The following NFATC1 variants were observed in gnomAD, a reference collection of about 807,000 sequenced individuals.
The protein encoded by NFATC1 is nuclear factor of activated T-cells, cytoplasmic 1.
NFATC1 carries 22 observed loss-of-function variants against 76.0 expected under a neutral mutation model. The observed-to-expected ratio is 0.29, with a 90% CI of 0.21 to 0.41. NFATC1 has a LOEUF of 0.41. Ranked by LOEUF, NFATC1 falls within the 10% of genes least tolerant of loss-of-function variation. NFATC1 has a pLI of 1.00. For synonymous variants in NFATC1, 704 were observed against 613.1 expected, an observed-to-expected ratio of 1.15 and a Z score of -2.19; for missense variants, 1,357 against 1,337.7, an observed-to-expected ratio of 1.01 and a Z score of -0.23.
intron 2 of NFATC1, among the ~76,000 whole-genome samples, chr18:79,411,994 C>T (rs1054196981): frequency 3.3e-5 from 5 of 152,244 alleles, no homozygotes; most frequent in African/African-American, 7.2e-5. Context: ...TTCCCTGCCT[C>T]GGGTGCAGAT....
At chr18:79,457,366 A>G (rs1049660503) in intron 6 of NFATC1, among the ~76,000 whole-genome samples, 1 of 152,044 alleles carries the variant, frequency 6.6e-6, no homozygotes, top group Non-Finnish European at 1.5e-5. Context: ...GGATAGCGCT[A>G]GGGGCGACTC....
chr18:79,479,590 C>T (rs1312212847), intron 8 of NFATC1, among the ~76,000 whole-genome samples: 1 of 152,234 alleles, frequency 6.6e-6, no homozygotes, highest in Admixed American at 6.5e-5. Flanking sequence ...GTGTGGCTTT[C>T]CTTTGCTTGT....
intron 9 of NFATC1, among the ~76,000 whole-genome samples, chr18:79,518,460 G>A (rs1390845610): frequency 6.6e-6 from 1 of 152,206 alleles, no homozygotes; most frequent in Non-Finnish European, 1.5e-5. Context: ...GTGTTCTGAT[G>A]GGCGGTAACT....
intron 6 of NFATC1, among the ~76,000 whole-genome samples, chr18:79,456,771 C>A (rs1246246883): frequency 6.6e-6 from 1 of 152,068 alleles, no homozygotes; most frequent in African/African-American, 2.4e-5. Flanking sequence ...GGATGTAGGC[C>A]GAGGGAGATG....
intron 3 of NFATC1, among the ~76,000 whole-genome samples, chr18:79,446,424 C>T (rs1209933428): frequency 6.6e-6 from 1 of 152,124 alleles, no homozygotes; most frequent in Non-Finnish European, 1.5e-5. Context: ...GTCAGCGACT[C>T]ATTTACATTT....
intron 8 of NFATC1, among the ~76,000 whole-genome samples, chr18:79,483,629 C>T (rs1257266934): frequency 1.6e-5 from 2 of 128,862 alleles, no homozygotes; most frequent in Non-Finnish European, 1.6e-5. Context: ...TGGGGCGTCA[C>T]TCTGGCGTGA....
At chr18:79,491,126 G>T (rs929111277) in intron 9 of NFATC1, among the ~76,000 whole-genome samples, 3 of 152,134 alleles carry the variant, frequency 2.0e-5, no homozygotes, top group Non-Finnish European at 4.4e-5. Context: ...GGTGAATGTG[G>T]GTAGTCCTTG....
chr18:79,510,721 A>G (rs2090223211), intron 9 of NFATC1, among the ~76,000 whole-genome samples: 1 of 152,236 alleles, frequency 6.6e-6, no homozygotes, highest in South Asian at 2.1e-4. Context: ...TTCTTCTAGA[A>G]GACAGGGTGT....
At chr18:79,445,237 C>T (rs1487872702) in intron 3 of NFATC1, among the ~76,000 whole-genome samples, 3 of 152,248 alleles carry the variant, frequency 2.0e-5, no homozygotes, top group South Asian at 2.1e-4. Context: ...CCGTGGGTCA[C>T]GTGGGCCTGG....
intron 2 of NFATC1, among the ~76,000 whole-genome samples, chr18:79,423,897 G>A (rs1190496215): frequency 6.6e-6 from 1 of 152,218 alleles, no homozygotes; most frequent in Non-Finnish European, 1.5e-5. Flanking sequence ...AGGGAGGGTT[G>A]GACGGGAGCC....
intron 9 of NFATC1, among the ~76,000 whole-genome samples, chr18:79,508,902 CCCTT>C (rs1191713201): frequency 6.6e-6 from 1 of 151,336 alleles, no homozygotes; most frequent in Non-Finnish European, 1.5e-5. Context: ...CTCCCTCCCT[CCCTT>C]TCTCTCTCAT....
intron 3 of NFATC1, among the ~76,000 whole-genome samples, chr18:79,443,474 G>A (rs1360609334): frequency 6.6e-6 from 1 of 152,200 alleles, no homozygotes; most frequent in African/African-American, 2.4e-5. Context: ...ACGTCGTCCT[G>A]TTCCTGTCAT....
intron 2 of NFATC1, among the ~76,000 whole-genome samples, chr18:79,424,008 G>A (rs1456193928): frequency 4.6e-5 from 7 of 152,158 alleles, no homozygotes; most frequent in Admixed American, 2.0e-4. Context: ...AAGGTTGCCC[G>A]GGCCGCCGAG....
At chr18:79,504,323 T>C (rs148257267) in intron 9 of NFATC1, among the ~76,000 whole-genome samples, 1 of 152,304 alleles carries the variant, frequency 6.6e-6, no homozygotes, top group East Asian at 1.9e-4. Flanking sequence ...CTTGAAAACT[T>C]GGAGGCTGTC....
chr18:79,399,374 C>T (rs1295905601), intron 1 of NFATC1, among the ~76,000 whole-genome samples: 2 of 152,226 alleles, frequency 1.3e-5, no homozygotes, highest in Non-Finnish European at 2.9e-5. Flanking sequence ...GGGAGCGCTC[C>T]GAGGAGCTTT....
chr18:79,487,787 G>A (rs988697889), intron 9 of NFATC1, among the ~76,000 whole-genome samples: 5 of 152,104 alleles, frequency 3.3e-5, no homozygotes, highest in Non-Finnish European at 5.9e-5. Context: ...GATTCCGCTC[G>A]TGTTTTCTGG....
intron 2 of NFATC1, among the ~76,000 whole-genome samples, chr18:79,431,742 G>A (rs1200734558): frequency 2.0e-5 from 3 of 151,740 alleles, no homozygotes; most frequent in East Asian, 3.9e-4. Context: ...TCGCTCTGTC[G>A]CCAAGGCTGG....
At position 79,491,762 on chromosome 18, in the gene NFATC1, G is replaced by A. The variant is rs539516327; in HGVS notation, c.2782+4825G>A. Among the ~76,000 whole-genome samples the A allele has an allele frequency of 2.4e-3, 367 of 152,316 alleles. 1 individual carries two copies. The highest frequency in any genetic ancestry group is 4.2e-3 in the Non-Finnish European group (287 of 68,012). ...TCTGCGAACCAAGCAGTGGTGGATC[G>A]CAGAGCTGCGTGCGGGGAGAGGGGG... On this transcript the variant is annotated intron_variant, in intron 9 of 9. Coordinates refer to ENST00000427363, the MANE Select transcript of NFATC1 (RefSeq NM_001278669.2).
At chr18:79,518,944 G>A (rs185068483) in intron 9 of NFATC1, among the ~76,000 whole-genome samples, 145 of 152,332 alleles carry the variant, frequency 9.5e-4, no homozygotes, top group Non-Finnish European at 1.4e-3. Context: ...TGAAGAGTCC[G>A]CCCATTCACA....
Sources: gnomAD v4.1 joint callset for allele counts (sites outside exome capture counted in the v4.1 genomes callset) on GRCh38, gnomAD v4.1.1 for gene constraint, MANE v1.5 for transcripts, NCBI Gene and HGNC (gene_info 2026-07-23, HGNC 2026-07-21) for gene names.